COL5A1: variants seen among roughly 807,000 people sequenced by gnomAD.
COL5A1 encodes the protein collagen type V alpha 1 chain.
In COL5A1, 16 loss-of-function variants were observed where a neutral mutation model predicts 263.7. The ratio of observed to expected loss-of-function variants is 0.06; its 90% CI spans 0.04 to 0.09. The LOEUF (loss-of-function observed/expected upper bound fraction) is 0.09, where lower values mean the gene tolerates loss of function less well. Among genes scored for constraint, COL5A1 ranks in the 10% least tolerant of loss-of-function variants. The pLI is 1.00. For missense variants in COL5A1, 2,036 were observed against 2,540.5 expected, an observed-to-expected ratio of 0.80 and a Z score of 4.27; for synonymous variants, 1,012 against 1,004.5, an observed-to-expected ratio of 1.01 and a Z score of -0.14.
chr9:134,710,172 G>C (rs1031423062), intron 4 of COL5A1, among the ~76,000 whole-genome samples: 1 of 152,232 alleles, frequency 6.6e-6, no homozygotes, highest in Admixed American at 6.5e-5. Context: ...CTTGTGGTGC[G>C]GATGAAAGGA....
At chr9:134,778,678 C>T (rs988356590) in intron 27 of COL5A1, among the ~76,000 whole-genome samples, 1 of 152,246 alleles carries the variant, frequency 6.6e-6, no homozygotes, top group Non-Finnish European at 1.5e-5. Context: ...TGCCTCCGCC[C>T]TGTGCTGGGC....
At chr9:134,662,834 G>T (rs10046876) in intron 1 of COL5A1, among the ~76,000 whole-genome samples, 8 of 152,086 alleles carry the variant, frequency 5.3e-5, no homozygotes, top group Middle Eastern at 3.4e-3. Flanking sequence ...CATCTTCCTC[G>T]GGCCGCAAGT....
chr9:134,841,391 C>G lies in COL5A1; in HGVS notation c.5371-766C>G, dbSNP rs182672295. Among the ~76,000 whole-genome samples the G allele has an allele frequency of 1.3e-5, 2 of 152,150 alleles. No homozygotes were observed. The highest frequency in any genetic ancestry group is 2.4e-5 in the African/African-American group (1 of 41,422). ...GAGGGACCAAAGAATCTCACACCTG[C>G]GCTGCCTGTGTTCTGGGAGGGAGGC... On this transcript the variant is annotated intron_variant, in intron 65 of 65. Coordinates refer to ENST00000371817, the MANE Select transcript of COL5A1 (RefSeq NM_000093.5). The surrounding 1 kb of genome is among the most constrained non-coding windows in gnomAD (Gnocchi z 4.8).
chr9:134,766,262 G>T (rs538625230), intron 21 of COL5A1, among the ~76,000 whole-genome samples, 192 bp from the exon 22 acceptor site: 3 of 152,156 alleles, frequency 2.0e-5, no homozygotes, highest in East Asian at 3.8e-4. Flanking sequence ...TTTAGCTGAG[G>T]GTTACTGGGG....
Position 134,747,961 on chromosome 9 carries a change from G to GCACACATGCATTCACA in COL5A1, c.1495-2557_1495-2542dup, listed in dbSNP as rs1385055729. Among the ~76,000 whole-genome samples the GCACACATGCATTCACA allele has an allele frequency of 9.3e-3, 1,046 of 112,198 alleles. 52 individuals are homozygous for GCACACATGCATTCACA. Among genetic ancestry groups the GCACACATGCATTCACA allele is most frequent in the African/African-American group, 0.035 (978 of 28,210 alleles). The allele number at this position is 112,198 out of a possible 152,430, so 73.6% of individuals were successfully genotyped here. ...TGCATTCATACACATGCAGACACAT[G>GCACACATGCATTCACA]CACACATGCATTCACACACACATGC... On this transcript the variant is annotated intron_variant, in intron 11 of 65. Transcript: ENST00000371817.
At chr9:134,714,812 T>TTCTTGAAG (rs1834203157) in intron 4 of COL5A1, among the ~76,000 whole-genome samples, 2 of 148,996 alleles carry the variant, frequency 1.3e-5, no homozygotes, top group African/African-American at 5.0e-5. Context: ...GTGGTGGTGG[T>TTCTTGAAG]GGTGGAGGCG....
intron 1 of COL5A1, among the ~76,000 whole-genome samples, chr9:134,668,898 T>C (rs1017959111): frequency 6.6e-5 from 10 of 151,388 alleles, no homozygotes; most frequent in African/African-American, 2.4e-4. Flanking sequence ...CATTCATCCA[T>C]CAATCCATCC....
At chr9:134,781,091 C>G (rs1050925901) in intron 28 of COL5A1, among the ~76,000 whole-genome samples, 7 of 152,360 alleles carry the variant, frequency 4.6e-5, no homozygotes, top group Non-Finnish European at 8.8e-5. Flanking sequence ...TCGAAGATGT[C>G]GCTTGGATCC....
intron 51 of COL5A1, 109 bp downstream of exon 51, chr9:134,815,738 G>T: frequency 1.5e-6 from 2 of 1,354,606 alleles, no homozygotes; most frequent in Non-Finnish European, 2.1e-6. Flanking sequence ...CTCCCACTGG[G>T]GCAGGCAATG....
chr9:134,830,507 A>G (rs1162083611), intron 64 of COL5A1, among the ~76,000 whole-genome samples: 1 of 152,248 alleles, frequency 6.6e-6, no homozygotes, highest in Non-Finnish European at 1.5e-5. Context: ...CAGACGCTCC[A>G]GAAGCAGGAG....
intron 27 of COL5A1, among the ~76,000 whole-genome samples, chr9:134,777,527 T>A (rs1200036264): frequency 6.6e-6 from 1 of 152,148 alleles, no homozygotes; most frequent in Non-Finnish European, 1.5e-5. Flanking sequence ...CCATTCCTCC[T>A]ACGGGGATCC....
Position 134,785,066 on chromosome 9 carries a change from C to A in COL5A1, c.2562C>A (p.Asp854Glu). Residue 854 changes from aspartate (D) to glutamate (E), a missense_variant, in exon 30 of 66, where the codon GAC becomes GAA. Physicochemically the swap from Asp to Glu is conservative, Grantham distance 45 (BLOSUM62 2). Around this residue, in one of 3 missense-constraint regions of COL5A1, gnomAD observed 1,078 missense variants for 1,521.4 expected, o/e 0.71. Coordinates refer to ENST00000371817, the MANE Select transcript of COL5A1 (RefSeq NM_000093.5). ...GPKGRGGPNG[D>E]PGPLGPPGEK... ...AGGGTCGCGGAGGTCCCAATGGTGA[C>A]CCCGGTCCTCTGGGACCCCCTGGGG... 1 of 1,613,278 alleles carries A rather than the reference C, an allele frequency of 6.2e-7. No homozygotes were observed. The highest frequency in any genetic ancestry group is 8.5e-7 in the Non-Finnish European group (1 of 1,179,868).
rs1280176870 is a variant in COL5A1, at chr9:134,695,066, C to T, written c.277+3987C>T. ...TCACCTGACTTGGGGACCAGCCCCA[C>T]CTGAGCCCACTTCCTGGATCAGCAC... On this transcript the variant is annotated intron_variant, in intron 2 of 65. Coordinates refer to ENST00000371817, the MANE Select transcript of COL5A1 (RefSeq NM_000093.5). Among the ~76,000 whole-genome samples the T allele has an allele frequency of 3.3e-5, 5 of 152,194 alleles. No homozygotes were observed. The East Asian group carries it at 9.6e-4, about 29-fold the overall frequency.
At chr9:134,796,057 C>T (rs540233655) in intron 34 of COL5A1, among the ~76,000 whole-genome samples, 350 of 152,348 alleles carry the variant, frequency 2.3e-3, no homozygotes, top group Non-Finnish European at 4.4e-3. Flanking sequence ...CGGGTCCCTG[C>T]GTTCTGCCTT....
rs755759318 is a variant in COL5A1 at position 134,810,326 on chromosome 9, GGC to G, written c.3528+24_3528+25del. Reference sequence around the variant, plus strand: ...GAGAACAGGTAAGTATTGGCACGGGGGCGCGCGGCAGCCCCCAGGTCCCGGGG... The same window carrying G: ...GAGAACAGGTAAGTATTGGCACGGGGGCGCGGCAGCCCCCAGGTCCCGGGG... On this transcript the variant is annotated intron_variant, in intron 44 of 65. Transcript: ENST00000371817. The G allele has an allele frequency of 1.2e-6, 2 of 1,612,816 alleles. No homozygotes were observed. The highest frequency in any genetic ancestry group is 1.7e-5 in the Admixed American group (1 of 59,998).
At chr9:134,711,588 G>GGAGGTAAAGCCAGA (rs1164537343) in intron 4 of COL5A1, among the ~76,000 whole-genome samples, 9 of 152,106 alleles carry the variant, frequency 5.9e-5, no homozygotes, top group Admixed American at 4.6e-4. Context: ...GCTCCGAGAT[G>GGAGGTAAAGCCAGA]GAGGTAAAGC....
chr9:134,738,634 CT>C, intron 10 of COL5A1, 111 bp from the exon 11 acceptor site: 4 of 1,545,936 alleles, frequency 2.6e-6, no homozygotes, highest in Non-Finnish European at 3.6e-6. Flanking sequence ...TGCAGATCCC[CT>C]GGGAGCCGGC....
rs775508023 is a variant in COL5A1 at position 134,750,858 on chromosome 9, G to T, written c.1638G>T (p.Ala546=). 6.2e-7 allele frequency: 1 copy of T among 1,612,692 alleles called. No homozygotes were observed. The part of the protein sequence containing the change: ...GPMVSAQESQ[A]QAILQQARLA... ...TGGTCTCAGCCCAGGAGTCCCAGGC[G>T]CAAGCCATTCTCCAGCAGGCCAGGG... The change falls in exon 13 of 66, where the codon GCG becomes GCT. Residue 546 remains alanine (A), a synonymous_variant. Coordinates refer to ENST00000371817, the MANE Select transcript of COL5A1 (RefSeq NM_000093.5).
At chr9:134,756,626 C>A in intron 16 of COL5A1, 139 bp from the exon 17 acceptor site, 1 of 926,706 alleles carries the variant, frequency 1.1e-6, no homozygotes, top group Non-Finnish European at 1.8e-6. Context: ...TCGCAGCAGC[C>A]CGGCCACTCG....
Sources: gnomAD v4.1 joint callset for allele counts (sites outside exome capture counted in the v4.1 genomes callset) on GRCh38, gnomAD v4.1.1 for gene constraint, gnomAD v4.1.1 regional missense constraint, Gnocchi (gnomAD v3.1) non-coding constraint, MANE v1.5 for transcripts, NCBI Gene and HGNC (gene_info 2026-07-23, HGNC 2026-07-21) for gene names.